Variants in MAGI3 observed in about 807,000 individuals in gnomAD.
MAGI3 encodes membrane-associated guanylate kinase, WW and PDZ domain-containing protein 3.
In MAGI3, 43 loss-of-function variants were observed where a neutral mutation model predicts 121.8. The observed-to-expected ratio is 0.35, with a 90% CI of 0.28 to 0.46. The LOEUF (loss-of-function observed/expected upper bound fraction) is 0.46, where lower values mean the gene tolerates loss of function less well. Ranked by LOEUF, MAGI3 falls within the 20% of genes least tolerant of loss-of-function variation. MAGI3 has a pLI of 1.00. For missense variants in MAGI3, 1,547 were observed against 1,797.3 expected, an observed-to-expected ratio of 0.86 and a Z score of 2.52; for synonymous variants, 553 against 639.3, an observed-to-expected ratio of 0.86 and a Z score of 2.04.
At chr1:113,403,976 T>C (rs1276504466) in intron 1 of MAGI3, 1 of 152,206 alleles carries the variant, frequency 6.6e-6, no homozygotes, top group African/African-American at 2.4e-5. Context: ...TCTTGATGGC[T>C]CATTGTCATT....
intron 2 of MAGI3, among the ~76,000 whole-genome samples, chr1:113,573,839 A>T (rs1203178205): frequency 6.6e-6 from 1 of 152,166 alleles, no homozygotes; most frequent in Non-Finnish European, 1.5e-5. Context: ...GTCTCTTTGT[A>T]GGTCTCTAAG....
At chr1:113,581,393 C>T (rs1415691212) in intron 3 of MAGI3, among the ~76,000 whole-genome samples, 5 of 152,066 alleles carry the variant, frequency 3.3e-5, no homozygotes, top group African/African-American at 1.2e-4. Context: ...TGGAATTCAG[C>T]GTATCTAAAT....
intron 6 of MAGI3, among the ~76,000 whole-genome samples, chr1:113,596,280 G>T (rs2101744372): frequency 6.6e-6 from 1 of 152,254 alleles, no homozygotes; most frequent in South Asian, 2.1e-4. Flanking sequence ...TTCAACCAAA[G>T]TGCCAACTGA....
At chr1:113,539,998 T>C (rs1659208475) in intron 1 of MAGI3, among the ~76,000 whole-genome samples, 2 of 151,992 alleles carry the variant, frequency 1.3e-5, no homozygotes, top group South Asian at 4.1e-4. Context: ...TACCCATCTC[T>C]ACAAAAAATA....
chr1:113,556,552 A>ATTTTTT (rs569112647), intron 2 of MAGI3, among the ~76,000 whole-genome samples: 2 of 117,588 alleles, frequency 1.7e-5, no homozygotes, highest in Admixed American at 9.4e-5. Context: ...TATGATAAAG[A>ATTTTTT]TTTTTTTTTT....
chr1:113,415,116 A>G (rs756177803), intron 1 of MAGI3, among the ~76,000 whole-genome samples: 3 of 152,070 alleles, frequency 2.0e-5, no homozygotes, highest in Admixed American at 1.3e-4. Context: ...TAAATTCCAG[A>G]TCCTCTTCCC....
At chr1:113,445,045 T>C (rs545349839) in intron 1 of MAGI3, among the ~76,000 whole-genome samples, 112 of 152,246 alleles carry the variant, frequency 7.4e-4, no homozygotes, top group African/African-American at 2.5e-3. Flanking sequence ...ATGGAAATTA[T>C]TGAGTCTGAG....
intron 9 of MAGI3, among the ~76,000 whole-genome samples, chr1:113,631,562 C>T (rs867479952): frequency 2.0e-5 from 3 of 151,936 alleles, no homozygotes; most frequent in Non-Finnish European, 2.9e-5. Context: ...CTGTATAAAA[C>T]TAAAGATTTA....
In MAGI3 at chr1:113,482,645, CTTTT is replaced by C. The variant is rs59465922; in HGVS notation, c.317-66851_317-66848del. ...AGCCACTGCACCAGACCTCAACCTACTTTTTTTTTTTTTTTTTTTTTTAACCACT... is the reference window on the plus strand; with the variant it reads ...AGCCACTGCACCAGACCTCAACCTACTTTTTTTTTTTTTTTTTTAACCACT... On this transcript the variant is annotated intron_variant, in intron 1 of 20. Coordinates refer to ENST00000307546, the MANE Select transcript of MAGI3 (RefSeq NM_001142782.2). 2.4e-3 allele frequency among the ~76,000 whole-genome samples: 296 copies of C among 122,180 alleles called. 1 individual carries two copies. The highest frequency in any genetic ancestry group is 8.7e-3 in the African/African-American group (278 of 31,836). The allele number at this position is 122,180 out of a possible 152,430, so 80.2% of individuals were successfully genotyped here.
chr1:113,583,160 T>G (rs945928239), intron 3 of MAGI3, among the ~76,000 whole-genome samples: 17 of 151,556 alleles, frequency 1.1e-4, no homozygotes, highest in African/African-American at 4.1e-4. Context: ...TTTATTATTA[T>G]TATACTTTAA....
Position 113,562,122 on chromosome 1 carries a change from A to G in MAGI3, c.433+12491A>G, listed in dbSNP as rs551306810. Among the ~76,000 whole-genome samples the G allele has an allele frequency of 3.5e-4, 53 of 152,226 alleles. No homozygotes were observed. The South Asian group carries it at 0.011, about 31-fold the overall frequency. ...CTGCTCAAAGAAATCAGAGATGATG[A>G]TGGCTGAGCATGGTGGCTCACGCCT... On this transcript the variant is annotated intron_variant, in intron 2 of 20. Coordinates refer to ENST00000307546, the MANE Select transcript of MAGI3 (RefSeq NM_001142782.2).
intron 12 of MAGI3, among the ~76,000 whole-genome samples, chr1:113,647,934 T>C (rs923758757): frequency 6.1e-5 from 9 of 146,964 alleles, no homozygotes; most frequent in South Asian, 2.1e-4. Flanking sequence ...TTTTTTTTTT[T>C]CCCCTGAGAC....
At chr1:113,541,769 A>T (rs1401116741) in intron 1 of MAGI3, among the ~76,000 whole-genome samples, 6 of 152,118 alleles carry the variant, frequency 3.9e-5, no homozygotes, top group Admixed American at 3.3e-4. Flanking sequence ...GTCAGACCTG[A>T]GTTAGTGGAT....
intron 1 of MAGI3, among the ~76,000 whole-genome samples, chr1:113,525,588 A>G (rs1311130912): frequency 2.0e-5 from 3 of 151,914 alleles, no homozygotes; most frequent in Admixed American, 2.0e-4. Flanking sequence ...GAAATAATTT[A>G]ACTATTAAAT....
intron 2 of MAGI3, among the ~76,000 whole-genome samples, chr1:113,556,657 G>T (rs183960553): frequency 2.7e-5 from 4 of 150,834 alleles, no homozygotes; most frequent in Admixed American, 6.6e-5. Context: ...CCATCTCCTG[G>T]GCTCAAGTTA....
intron 1 of MAGI3, among the ~76,000 whole-genome samples, chr1:113,527,992 CTG>C (rs1170736326): frequency 6.6e-6 from 1 of 152,102 alleles, no homozygotes; most frequent in East Asian, 1.9e-4. Context: ...GCGTACATGT[CTG>C]TGTTTAGTGA....
At chr1:113,600,117 AC>A (rs1179614025) in intron 6 of MAGI3, among the ~76,000 whole-genome samples, 1 of 152,180 alleles carries the variant, frequency 6.6e-6, no homozygotes, top group African/African-American at 2.4e-5. Flanking sequence ...CCAATATCAT[AC>A]TGAATGGGCA....
At chr1:113,420,841 A>C (rs946714896) in intron 1 of MAGI3, among the ~76,000 whole-genome samples, 1 of 152,160 alleles carries the variant, frequency 6.6e-6, no homozygotes, top group African/African-American at 2.4e-5. Flanking sequence ...ATCTCAGGGA[A>C]TACAAGTCAA....
chr1:113,491,258 C>A (rs576372012), intron 1 of MAGI3, among the ~76,000 whole-genome samples: 1 of 152,228 alleles, frequency 6.6e-6, no homozygotes, highest in East Asian at 1.9e-4. Context: ...AATTGGATAA[C>A]CTGCTCCTGA....
Sources: gnomAD v4.1 joint callset for allele counts (sites outside exome capture counted in the v4.1 genomes callset) on GRCh38, gnomAD v4.1.1 for gene constraint, MANE v1.5 for transcripts, NCBI Gene and HGNC (gene_info 2026-07-23, HGNC 2026-07-21) for gene names.